The following CD300LD variants were observed in gnomAD, a reference collection of about 807,000 sequenced individuals.
CD300LD encodes the protein CMRF35-like molecule 5.
Under a neutral mutation model 20.3 loss-of-function variants are expected in CD300LD, and 18 were observed. The ratio of observed to expected loss-of-function variants is 0.89; its 90% confidence interval spans 0.61 to 1.32. The LOEUF (loss-of-function observed/expected upper bound fraction) is 1.32, where lower values mean the gene tolerates loss of function less well. CD300LD is among the 40% of genes most tolerant of loss of function. CD300LD has a pLI of 0.00. For missense variants in CD300LD, 195 were observed against 226.6 expected, an observed-to-expected ratio of 0.86 and a Z score of 0.90; for synonymous variants, 104 against 90.1, an observed-to-expected ratio of 1.15 and a Z score of -0.87.
chr17:74,585,266 A>G (rs976918701), intron 2 of CD300LD, among the ~76,000 whole-genome samples: 1 of 152,178 alleles, frequency 6.6e-6, no homozygotes, highest in Non-Finnish European at 1.5e-5. Flanking sequence ...CTTAAATTTG[A>G]TCTTTTTGTT....
chr17:74,589,421 TCCTAGG>T lies in CD300LD; in HGVS notation c.41-578_41-573del, dbSNP rs2030253775. ...GTGTTATAAATTCCACTTCCAAAAT[TCCTAGG>T]AAAAGCTAACTTTTAAGATAAACAC... On this transcript the variant is annotated intron_variant, in intron 1 of 3. Coordinates refer to ENST00000375352, the MANE Select transcript of CD300LD (RefSeq NM_001115152.2). Among the ~76,000 whole-genome samples the T allele has an allele frequency of 2.0e-5, 3 of 152,146 alleles. No individual in the cohort carries two copies. In the South Asian group the frequency reaches 6.2e-4, roughly 32 times the overall value.
chr17:74,578,716 G>C (rs777883410), downstream of CD300LD, among the ~76,000 whole-genome samples: 2 of 152,186 alleles, frequency 1.3e-5, no homozygotes, highest in Non-Finnish European at 2.9e-5. Flanking sequence ...TCTCACCTGG[G>C]TACAGAGATT....
At chr17:74,587,146 T>C (rs934803498) in intron 2 of CD300LD, among the ~76,000 whole-genome samples, 4 of 145,012 alleles carry the variant, frequency 2.8e-5, no homozygotes, top group East Asian at 2.1e-4. Context: ...CGAAACTCCA[T>C]CTCAAAAAAA....
intron 3 of CD300LD, among the ~76,000 whole-genome samples, chr17:74,581,174 A>G (rs2030026375): frequency 6.6e-6 from 1 of 151,956 alleles, no homozygotes; most frequent in Non-Finnish European, 1.5e-5. Flanking sequence ...GAAAAAAACA[A>G]ACAAAAAAAA....
intron 1 of CD300LD, among the ~76,000 whole-genome samples, chr17:74,591,262 A>ATAAT (rs149944866): frequency 0.011 from 1,238 of 114,044 alleles, 1 homozygote; most frequent in Non-Finnish European, 0.014. Context: ...AAAAAAAAAA[A>ATAAT]AATAAAAATA....
At chr17:74,580,726 C>T (rs1402605099) in intron 3 of CD300LD, among the ~76,000 whole-genome samples, 1 of 152,048 alleles carries the variant, frequency 6.6e-6, no homozygotes, top group Non-Finnish European at 1.5e-5. Context: ...TTCGTTGTTT[C>T]TTTCACCTCA....
In CD300LD at chr17:74,588,739, A is replaced by G. The variant is rs777023909; in HGVS notation, c.151T>C (p.Trp51Arg). The G allele has an allele frequency of 2.5e-6, 4 of 1,614,148 alleles. No individual in the cohort carries two copies. In the East Asian group the frequency reaches 8.9e-5, roughly 36 times the overall value. ...TTCCAATCAGCTCCTTGACACCGCC[A>G]CTTCAAGTAGGTCTCCCAGCCTGAG... The part of the protein sequence containing the change: ...YGSGWETYLK[W>R]RCQGADWNYC... Residue 51 changes from tryptophan to arginine, a missense_variant, in exon 2 of 4, where the codon TGG (tryptophan) becomes CGG (arginine). Transcript: ENST00000375352.
intron 3 of CD300LD, 52 bp downstream of exon 3, chr17:74,582,166 G>A: frequency 6.9e-7 from 1 of 1,451,512 alleles, no homozygotes. Context: ...TGTTAGAGGA[G>A]AGGCCATGGG....
intron 2 of CD300LD, 47 bp from the exon 3 acceptor site, chr17:74,582,358 C>T (rs1454193995): frequency 1.3e-6 from 2 of 1,530,710 alleles, no homozygotes; most frequent in Non-Finnish European, 1.8e-6. Context: ...ATGGATGGCC[C>T]AGCTCTGGCT....
chr17:74,580,067 G>A lies in CD300LD; in HGVS notation c.520C>T (p.Leu174=). The change falls in exon 4 of 4, where the codon CTG becomes TTG. Residue 174 remains leucine (L), a synonymous_variant. Transcript: ENST00000375352. The part of the protein sequence containing the change: ...THFLFLFLLE[L]PLLLSMLGTV... ...CCCAGCATGCTCAGGAGCAGAGGCA[G>A]CTCCAGGAGGAACAGGAACAGGAAG... The A allele has an allele frequency of 6.2e-7, 1 of 1,613,548 alleles. No individual in the cohort carries two copies. The highest frequency in any genetic ancestry group is 8.5e-7 in the Non-Finnish European group (1 of 1,179,726).
At chr17:74,580,286 C>T (rs767178737) in intron 3 of CD300LD, among the ~76,000 whole-genome samples, 173 bp from the exon 4 acceptor site, 1 of 152,224 alleles carries the variant, frequency 6.6e-6, no homozygotes, top group Non-Finnish European at 1.5e-5. Flanking sequence ...AGCGAGGCTC[C>T]CAGTCCTCCC....
chr17:74,588,658 G>C lies in CD300LD; in HGVS notation c.232C>G (p.Arg78Gly), dbSNP rs747063220. Residue 78 changes from arginine (R) to glycine (G), a missense_variant, in exon 2 of 4, where the codon CGA becomes GGA. Physicochemically the swap from Arg to Gly is moderately radical, Grantham distance 125. Coordinates refer to ENST00000375352, the MANE Select transcript of CD300LD (RefSeq NM_001115152.2). ...NGSEQEVKKN[R>G]VSIRDNQKNH... Reference sequence around the variant, plus strand: ...TTCTGATTGTCCCTGATGGAAACTCGATTCTTCTTTACCTCCTGCTCTGAT... The same window carrying C: ...TTCTGATTGTCCCTGATGGAAACTCCATTCTTCTTTACCTCCTGCTCTGAT... The C allele has an allele frequency of 1.2e-6, 2 of 1,614,160 alleles. No homozygotes were observed. The highest frequency in any genetic ancestry group is 1.1e-5 in the South Asian group (1 of 91,074).
Position 74,579,569 on chromosome 17 carries a change from CCA to C in CD300LD, c.*431_*432del. 1 of 164,646 alleles carries C rather than the reference CCA, an allele frequency of 6.1e-6. No homozygotes were observed. Among genetic ancestry groups the C allele is most frequent in the Non-Finnish European group, 1.3e-5 (1 of 75,848 alleles). The allele number at this position is 164,646 out of a possible 1,614,324, so 10.2% of individuals were successfully genotyped here. On this transcript the variant is annotated 3_prime_UTR_variant, in exon 4 of 4. Transcript: ENST00000375352. ...GCTGGGGCCAGCACTGCCTCTAGAA[CCA>C]CAGTCAATTCCCCATAGAAATGTTG...
intron 2 of CD300LD, among the ~76,000 whole-genome samples, chr17:74,586,688 A>T (rs191573232): frequency 1.3e-5 from 2 of 152,276 alleles, no homozygotes; most frequent in East Asian, 3.9e-4. Context: ...CGTTAGTGGG[A>T]GGAGACAAAC....
rs1409773798 is a variant in CD300LD at position 74,580,042 on chromosome 17, C to T, written c.545G>A (p.Gly182Glu). The T allele has an allele frequency of 4.3e-6, 7 of 1,613,346 alleles. No homozygotes were observed. The highest frequency in any genetic ancestry group is 1.1e-5 in the South Asian group (1 of 90,846). The change falls in exon 4 of 4, where the codon GGG (glycine) becomes GAG (glutamate). Residue 182 changes from glycine to glutamate, a missense_variant. Coordinates refer to ENST00000375352, the MANE Select transcript of CD300LD (RefSeq NM_001115152.2). The stretch of plus-strand genomic sequence containing the variant: ...TGGTCTGTTTACCCAGAGGACGGTC[C>T]CCAGCATGCTCAGGAGCAGAGGCAG... ...LELPLLLSML[G>E]TVLWVNRPQR... is the part of the protein sequence containing the mutation.
At chr17:74,590,522 C>T (rs1209943157) in intron 1 of CD300LD, 2 of 151,986 alleles carry the variant, frequency 1.3e-5, no homozygotes, top group Non-Finnish European at 2.9e-5. Flanking sequence ...AAACCAGGGT[C>T]ACCATGGTGG....
chr17:74,582,455 G>A, intron 2 of CD300LD, 144 bp from the exon 3 acceptor site: 2 of 580,498 alleles, frequency 3.4e-6, no homozygotes, highest in Admixed American at 6.7e-5. Flanking sequence ...AATATTACAT[G>A]AATTATCTTC....
intron 2 of CD300LD, among the ~76,000 whole-genome samples, chr17:74,587,585 T>G (rs571181149): frequency 6.6e-6 from 1 of 152,316 alleles, no homozygotes; most frequent in Admixed American, 6.5e-5. Flanking sequence ...TTCATTGTGG[T>G]CTTAATATTA....
chr17:74,579,876 C>CTCT lies in CD300LD; in HGVS notation c.*123_*125dup, dbSNP rs1179234433. On this transcript the variant is annotated 3_prime_UTR_variant, in exon 4 of 4. Coordinates refer to ENST00000375352, the MANE Select transcript of CD300LD (RefSeq NM_001115152.2). ...TTCCAGCCTGGGTGACAGAGCAAGA[C>CTCT]TCTATCTCTAGAAAGAAAAAAAGAA... The CTCT allele has an allele frequency of 1.7e-6, 1 of 575,468 alleles. No individual in the cohort carries two copies. Among genetic ancestry groups the CTCT allele is most frequent in the Non-Finnish European group, 3.1e-6 (1 of 320,324 alleles). 35.6% of individuals were successfully genotyped at this position (575,468 alleles called of 1,614,324 possible).
Sources: allele counts gnomAD v4.1 joint callset (sites outside exome capture counted in the v4.1 genomes callset), GRCh38; gene constraint gnomAD v4.1.1; transcripts MANE v1.5; gene names NCBI Gene and HGNC (gene_info 2026-07-23, HGNC 2026-07-21).